The following SAMD12 variants were observed in gnomAD, a reference collection of about 807,000 sequenced individuals.
SAMD12 encodes the protein sterile alpha motif domain-containing protein 12.
In SAMD12, 9 loss-of-function variants were observed where a neutral mutation model predicts 15.0. The observed-to-expected ratio is 0.60, with a 90% CI of 0.36 to 1.05. The LOEUF (loss-of-function observed/expected upper bound fraction) is 1.05, where lower values mean the gene tolerates loss of function less well. SAMD12 is among the 50% of genes least tolerant of loss of function. The probability of loss-of-function intolerance (pLI) is 0.01; values close to 1 mark genes in which losing one functional copy is unlikely to be tolerated. For synonymous variants in SAMD12, 86 were observed against 90.1 expected (o/e 0.96, Z 0.25); for missense variants, 230 against 234.2 (o/e 0.98, Z 0.12).
intron 4 of SAMD12, among the ~76,000 whole-genome samples, chr8:118,309,213 A>T (rs1372524156): frequency 6.6e-6 from 1 of 151,786 alleles, no homozygotes; most frequent in African/African-American, 2.4e-5. Flanking sequence ...TCATAACTTA[A>T]CTCCCACTTA....
intron 4 of SAMD12, among the ~76,000 whole-genome samples, chr8:118,223,944 AAAC>A (rs1271037597): frequency 6.6e-6 from 1 of 152,200 alleles, no homozygotes; most frequent in African/African-American, 2.4e-5. Flanking sequence ...GACCATCAAT[AAAC>A]AAGTAAGGGT....
intron 1 of SAMD12, among the ~76,000 whole-genome samples, chr8:118,618,265 T>G (rs980941067): frequency 2.6e-5 from 4 of 152,204 alleles, no homozygotes; most frequent in Non-Finnish European, 5.9e-5. Context: ...CTTTTTCATC[T>G]TAAACACACG....
chr8:118,132,672 C>A, the SAMD12 span, among the ~76,000 whole-genome samples: 7 of 152,050 alleles, frequency 4.6e-5, no homozygotes, highest in Non-Finnish European at 1.0e-4. Flanking sequence ...TTCAAAGCCA[C>A]AGCAACACCT....
chr8:118,333,908 T>TGC (rs1166625994), intron 4 of SAMD12, among the ~76,000 whole-genome samples: 2 of 134,330 alleles, frequency 1.5e-5, no homozygotes, highest in African/African-American at 5.7e-5. Context: ...TGTGTGTGTG[T>TGC]GCACGTTGGC....
At chr8:118,132,211 C>T in the SAMD12 span, among the ~76,000 whole-genome samples, 1 of 152,126 alleles carries the variant, frequency 6.6e-6, no homozygotes, top group Non-Finnish European at 1.5e-5. Context: ...TTCATAGTTG[C>T]TCTACATTTT....
Position 118,601,852 on chromosome 8 carries a change from G to A in SAMD12, c.13+19952C>T, listed in dbSNP as rs151087785. On this transcript the variant is annotated intron_variant, in intron 1 of 3. Transcript: ENST00000314727. ...AGAAACAGAGGAAAGAAAGCTAATA[G>A]GGAAGGAAAGAGATGGCTCTGGAGA... is the stretch of plus-strand genomic sequence containing the variant. Among the ~76,000 whole-genome samples, 15 of 152,308 alleles carry A rather than the reference G, an allele frequency of 9.8e-5. No individual in the cohort carries two copies. The East Asian group carries it at 2.7e-3, about 27-fold the overall frequency.
At chr8:118,508,316 C>T (rs1329250787) in intron 2 of SAMD12, among the ~76,000 whole-genome samples, 1 of 151,884 alleles carries the variant, frequency 6.6e-6, no homozygotes, top group African/African-American at 2.4e-5. Flanking sequence ...ATCAACATGG[C>T]ACATGTATAC....
chr8:118,305,077 A>G (rs947483038), intron 4 of SAMD12, among the ~76,000 whole-genome samples: 5 of 129,982 alleles, frequency 3.8e-5, no homozygotes, highest in African/African-American at 1.4e-4. Context: ...TGAACCCGGG[A>G]GGCGGAGGTT....
At chr8:118,577,718 C>G (rs1827187691) in intron 2 of SAMD12, among the ~76,000 whole-genome samples, 1 of 152,126 alleles carries the variant, frequency 6.6e-6, no homozygotes, top group African/African-American at 2.4e-5. Context: ...CAGGTGAAGG[C>G]AGATACAAAA....
At chr8:118,497,320 A>G (rs1824643221) in intron 2 of SAMD12, among the ~76,000 whole-genome samples, 1 of 152,254 alleles carries the variant, frequency 6.6e-6, no homozygotes. Context: ...GAATCAACCT[A>G]GATGCCAATC....
chr8:118,619,810 G>C (rs1828345555), intron 1 of SAMD12, among the ~76,000 whole-genome samples: 1 of 152,116 alleles, frequency 6.6e-6, no homozygotes, highest in Admixed American at 6.5e-5. Context: ...AGAAAAAGGA[G>C]GGCTGGGACA....
the SAMD12 span, among the ~76,000 whole-genome samples, chr8:118,148,102 A>AT: frequency 1.3e-5 from 2 of 151,058 alleles, no homozygotes; most frequent in Non-Finnish European, 3.0e-5. Flanking sequence ...TAATTTTTGT[A>AT]TTTTTTTGGT....
chr8:118,564,301 C>A (rs1011129451), intron 2 of SAMD12, among the ~76,000 whole-genome samples: 65 of 151,416 alleles, frequency 4.3e-4, no homozygotes, highest in African/African-American at 1.4e-3. Flanking sequence ...AGACCAGGTA[C>A]AGCTGCTGAG....
At chr8:118,173,633 C>CTTTTTTT in the SAMD12 span, among the ~76,000 whole-genome samples, 1 of 139,360 alleles carries the variant, frequency 7.2e-6, no homozygotes, top group African/African-American at 2.6e-5. Flanking sequence ...ATATCCATAA[C>CTTTTTTT]TTTTTTTTTT....
downstream of SAMD12, among the ~76,000 whole-genome samples, chr8:118,186,110 C>T (rs1451596992): frequency 6.6e-6 from 1 of 152,168 alleles, no homozygotes; most frequent in Non-Finnish European, 1.5e-5. Context: ...TCTTGCAAGA[C>T]TTCTCAGAGC....
At chr8:118,550,225 G>A (rs909850199) in intron 2 of SAMD12, among the ~76,000 whole-genome samples, 7 of 152,144 alleles carry the variant, frequency 4.6e-5, no homozygotes, top group Non-Finnish European at 8.8e-5. Context: ...ACACATAATT[G>A]TCAGATTCAC....
chr8:118,552,002 CAAT>C (rs1359788170), intron 2 of SAMD12, among the ~76,000 whole-genome samples: 1 of 150,994 alleles, frequency 6.6e-6, no homozygotes, highest in African/African-American at 2.4e-5. Flanking sequence ...CTGAATAGAC[CAAT>C]AACAGGAGCT....
chr8:118,305,748 A>G (rs1317406267), intron 4 of SAMD12, among the ~76,000 whole-genome samples: 2 of 151,866 alleles, frequency 1.3e-5, no homozygotes, highest in Non-Finnish European at 2.9e-5. Context: ...TGCTCCAGTC[A>G]CTCACCTGTT....
intron 3 of SAMD12, among the ~76,000 whole-genome samples, chr8:118,429,181 T>G (rs1822325100): frequency 6.6e-6 from 1 of 152,218 alleles, no homozygotes. Flanking sequence ...TAATCTTGTA[T>G]TTTGCGCACT....
Sources: gnomAD v4.1 joint callset for allele counts (sites outside exome capture counted in the v4.1 genomes callset) on GRCh38, gnomAD v4.1.1 for gene constraint, MANE v1.5 for transcripts, NCBI Gene and HGNC (gene_info 2026-07-23, HGNC 2026-07-21) for gene names.